The following MATN2 variants were observed in gnomAD, a reference collection of about 807,000 sequenced individuals.
The protein encoded by MATN2 is matrilin 2.
Under a neutral mutation model 103.2 loss-of-function variants are expected in MATN2, and 69 were observed. That is an observed-to-expected ratio of 0.67 (90% CI 0.55 to 0.82). The LOEUF is 0.82. MATN2 is among the 40% of genes least tolerant of loss of function. The probability of loss-of-function intolerance (pLI) is 0.00; values close to 1 mark genes in which losing one functional copy is unlikely to be tolerated. For missense variants in MATN2, 1,023 were observed against 1,211.5 expected, an observed-to-expected ratio of 0.84 and a Z score of 2.31; for synonymous variants, 429 against 450.2, an observed-to-expected ratio of 0.95 and a Z score of 0.60.
At chr8:97,891,160 T>A (rs1203047910) in intron 2 of MATN2, among the ~76,000 whole-genome samples, 1 of 151,990 alleles carries the variant, frequency 6.6e-6, no homozygotes, top group East Asian at 1.9e-4. Context: ...CACAGAGTAG[T>A]GGAAGAGACA....
intron 10 of MATN2, among the ~76,000 whole-genome samples, chr8:98,012,088 T>G (rs1813187192): frequency 6.6e-6 from 1 of 152,216 alleles, no homozygotes; most frequent in African/African-American, 2.4e-5. Flanking sequence ...CTATTTCACT[T>G]AAGTGATGGC....
intron 2 of MATN2, among the ~76,000 whole-genome samples, chr8:97,896,346 C>G (rs1017253448): frequency 4.0e-4 from 61 of 152,220 alleles, no homozygotes; most frequent in Admixed American, 2.6e-4. Context: ...CCTGACATCC[C>G]TTCTATGTGG....
intron 1 of MATN2, among the ~76,000 whole-genome samples, chr8:97,882,828 C>T (rs1818295829): frequency 6.6e-6 from 1 of 152,098 alleles, no homozygotes; most frequent in Non-Finnish European, 1.5e-5. Context: ...TTTATCTATT[C>T]CAGCAGATTT....
chr8:97,913,737 A>T (rs898318015), intron 2 of MATN2, among the ~76,000 whole-genome samples: 2 of 148,744 alleles, frequency 1.3e-5, no homozygotes, highest in African/African-American at 5.0e-5. Flanking sequence ...GCCTTAGTCT[A>T]CCAAGTAGCT....
At chr8:97,949,919 C>G (rs932963063) in intron 4 of MATN2, among the ~76,000 whole-genome samples, 1 of 152,106 alleles carries the variant, frequency 6.6e-6, no homozygotes, top group African/African-American at 2.4e-5. Context: ...CAGAACATAC[C>G]ATGTGGTTCC....
chr8:98,007,678 A>G lies in MATN2; in HGVS notation c.1573+77A>G, dbSNP rs1294445152. The G allele has an allele frequency of 5.9e-6, 9 of 1,522,998 alleles. No homozygotes were observed. The highest frequency in any genetic ancestry group is 8.0e-6 in the Non-Finnish European group (9 of 1,121,714). The allele number at this position is 1,522,998 out of a possible 1,614,324, so 94.3% of individuals were successfully genotyped here. A position where few individuals can be genotyped will look rare whatever the true frequency, so the allele number is the denominator to read the frequency against. On this transcript the variant is annotated intron_variant, in intron 10 of 18. Coordinates refer to ENST00000254898, the MANE Select transcript of MATN2 (RefSeq NM_002380.5). This position sits in a 1 kb window ranked among gnomAD's most constrained non-coding sequence, Gnocchi z 4.2. Reference sequence around the variant, plus strand: ...GTGTGGGTGCGCTGCCGACGTGTATATGTGCCTGTGTGTCCTGTCTCCAGG... The same window carrying G: ...GTGTGGGTGCGCTGCCGACGTGTATGTGTGCCTGTGTGTCCTGTCTCCAGG...
intron 10 of MATN2, among the ~76,000 whole-genome samples, chr8:98,012,560 T>C (rs187565609): frequency 1.0e-3 from 155 of 152,218 alleles, no homozygotes; most frequent in Non-Finnish European, 1.9e-3. Context: ...TACGGGGTAC[T>C]GAATGCGAGA....
intron 5 of MATN2, among the ~76,000 whole-genome samples, chr8:97,977,235 C>CAAAAAAAAAAA (rs34634037): frequency 2.8e-5 from 1 of 35,924 alleles, no homozygotes; most frequent in Non-Finnish European, 4.4e-5. Flanking sequence ...GACCCTGTCT[C>CAAAAAAAAAAA]AAAAAAAAAA....
chr8:97,972,610 G>A (rs1002380679), intron 5 of MATN2, among the ~76,000 whole-genome samples: 7 of 152,270 alleles, frequency 4.6e-5, no homozygotes, highest in Non-Finnish European at 7.4e-5. Context: ...CCTTGCAGAC[G>A]GAGTCCTGCT....
At chr8:97,914,382 T>G (rs1214789349) in intron 2 of MATN2, among the ~76,000 whole-genome samples, 2 of 141,840 alleles carry the variant, frequency 1.4e-5, no homozygotes, top group African/African-American at 5.3e-5. Context: ...TTTTTTTTTT[T>G]TTTTTTGGAA....
intron 15 of MATN2, among the ~76,000 whole-genome samples, chr8:98,030,938 C>T (rs1329244631): frequency 6.6e-5 from 10 of 152,090 alleles, no homozygotes; most frequent in Admixed American, 6.5e-4. Context: ...GCTGGGATTA[C>T]AGGCGTGAGC....
intron 2 of MATN2, among the ~76,000 whole-genome samples, chr8:97,910,967 C>G (rs989322895): frequency 6.6e-6 from 1 of 151,976 alleles, no homozygotes; most frequent in African/African-American, 2.4e-5. Context: ...CAAGGAACAT[C>G]TCTATTTAAC....
chr8:98,004,852 C>T (rs542165827), intron 8 of MATN2, among the ~76,000 whole-genome samples: 1 of 152,158 alleles, frequency 6.6e-6, no homozygotes, highest in Non-Finnish European at 1.5e-5. Flanking sequence ...GCCAGCTGGG[C>T]GGCTCCATGG....
chr8:98,019,043 CAT>C (rs987600553), intron 12 of MATN2, among the ~76,000 whole-genome samples: 2 of 148,374 alleles, frequency 1.3e-5, no homozygotes, highest in East Asian at 3.9e-4. Context: ...TAATAGAAGA[CAT>C]ATATATAATA....
At chr8:98,030,904 C>T (rs1813991717) in intron 15 of MATN2, among the ~76,000 whole-genome samples, 1 of 152,094 alleles carries the variant, frequency 6.6e-6, no homozygotes, top group African/African-American at 2.4e-5. Context: ...CTCAAGTGAT[C>T]CAGCCACCAC....
rs58985201 is a variant in MATN2, at chr8:97,992,745, C to CAAAAAAAAAAAAAA, written c.1082-1723_1082-1710dup. Among the ~76,000 whole-genome samples the CAAAAAAAAAAAAAA allele has an allele frequency of 5.0e-3, 246 of 49,532 alleles. 10 individuals are homozygous for CAAAAAAAAAAAAAA. Among genetic ancestry groups the CAAAAAAAAAAAAAA allele is most frequent in the East Asian group, 9.6e-3 (15 of 1,568 alleles). The allele number at this position is 49,532 out of a possible 152,430, so 32.5% of individuals were successfully genotyped here. A position where few individuals can be genotyped will look rare whatever the true frequency, so the allele number is the denominator to read the frequency against. Reference sequence around the variant, plus strand: ...TGGGTGTTAGAGTGAGACTCCATCTCAAAAAAAAAAAAAAAAAAAAAAAAA... The same window carrying CAAAAAAAAAAAAAA: ...TGGGTGTTAGAGTGAGACTCCATCTCAAAAAAAAAAAAAAAAAAAAAAAAAAAAAAAAAAAAAAA... On this transcript the variant is annotated intron_variant, in intron 6 of 18. Coordinates refer to ENST00000254898, the MANE Select transcript of MATN2 (RefSeq NM_002380.5).
Position 98,032,229 on chromosome 8 carries a change from C to T in MATN2, c.2510-17C>T, listed in dbSNP as rs1276275032. 2.5e-6 allele frequency: 4 copies of T among 1,601,920 alleles called. No homozygotes were observed. The East Asian group carries it at 6.7e-5, about 27-fold the overall frequency. ...GTGGACAACCATCACTTCTTTTGGTCATCTTTTTCTGCTCAGCTCTAGAAG... is the reference window on the plus strand; with the variant it reads ...GTGGACAACCATCACTTCTTTTGGTTATCTTTTTCTGCTCAGCTCTAGAAG... On this transcript the variant is annotated splice_polypyrimidine_tract_variant and intron_variant, in intron 15 of 18. Coordinates refer to ENST00000254898, the MANE Select transcript of MATN2 (RefSeq NM_002380.5).
At chr8:98,010,411 G>A (rs916267367) in intron 10 of MATN2, among the ~76,000 whole-genome samples, 6 of 152,150 alleles carry the variant, frequency 3.9e-5, no homozygotes, top group Admixed American at 6.5e-5. Flanking sequence ...AAATCGTGTC[G>A]CTTCTACCCT....
chr8:98,006,491 G>T (rs772936962), intron 8 of MATN2, among the ~76,000 whole-genome samples: 15 of 152,182 alleles, frequency 9.9e-5, no homozygotes, highest in Non-Finnish European at 1.6e-4. Flanking sequence ...TGGCAAAGAG[G>T]CCGTGGGACT....
Sources: gnomAD v4.1 joint callset for allele counts (sites outside exome capture counted in the v4.1 genomes callset) on GRCh38, gnomAD v4.1.1 for gene constraint, Gnocchi (gnomAD v3.1) non-coding constraint, MANE v1.5 for transcripts, NCBI Gene and HGNC (gene_info 2026-07-23, HGNC 2026-07-21) for gene names.